Variants in ADGRE2 observed in about 807,000 individuals in gnomAD.
The protein encoded by ADGRE2 is CD97 antigen.
Under a neutral mutation model 100.8 loss-of-function variants are expected in ADGRE2, and 83 were observed. The observed-to-expected ratio is 0.82, with a 90% confidence interval of 0.69 to 0.99. The LOEUF is 0.99. Ranked by LOEUF, ADGRE2 falls within the 50% of genes least tolerant of loss-of-function variation. The pLI, the probability that ADGRE2 is intolerant of heterozygous loss-of-function variation, is 0.00. For missense variants in ADGRE2, 814 were observed against 1,035.7 expected (o/e 0.79, Z 2.94); for synonymous variants, 355 against 413.0 (o/e 0.86, Z 1.70).
intron 11 of ADGRE2, 45 bp from the exon 12 acceptor site, chr19:14,756,390 G>A (rs535764413): frequency 1.7e-5 from 22 of 1,300,150 alleles, no homozygotes; most frequent in South Asian, 4.7e-5. Context: ...GTTAGGAATC[G>A]TGCCTGCAGT....
intron 17 of ADGRE2, 67 bp from the exon 18 acceptor site, chr19:14,746,390 T>TA: frequency 1.2e-6 from 1 of 845,842 alleles, no homozygotes; most frequent in Non-Finnish European, 1.9e-6. Flanking sequence ...TTTTTTTTTT[T>TA]CAGACAGGGT....
the ADGRE2 span, among the ~76,000 whole-genome samples, chr19:14,724,715 G>A: frequency 1.3e-5 from 2 of 149,020 alleles, no homozygotes; most frequent in East Asian, 2.0e-4. Flanking sequence ...GCAGTGAGCC[G>A]ACATCATGCC....
chr19:14,736,865 T>TTAATATCTATATATTTAGAAATATATAGA (rs1568573091), intron 20 of ADGRE2, among the ~76,000 whole-genome samples: 1 of 123,806 alleles, frequency 8.1e-6, no homozygotes, highest in Non-Finnish European at 1.8e-5. Flanking sequence ...ATATAGATAT[T>TTAATATCTATATATTTAGAAATATATAGA]TAATATCTAT....
Position 14,759,294 on chromosome 19 carries a change from G to C in ADGRE2, c.1085-2949C>G, listed in dbSNP as rs1404658405. On this transcript the variant is annotated intron_variant, in intron 11 of 20. Transcript: ENST00000315576. ...GCTTGCTTTTCTATGTCTGCAGCTC[G>C]AATTTTCAGGCTGCTCGTTATTAGA... 2.0e-5 allele frequency among the ~76,000 whole-genome samples: 3 copies of C among 152,124 alleles called. 1 individual carries two copies. Among genetic ancestry groups the C allele is most frequent in the African/African-American group, 4.8e-5 (2 of 41,494 alleles).
intron 11 of ADGRE2, among the ~76,000 whole-genome samples, chr19:14,758,050 A>C (rs1330869206): frequency 6.6e-6 from 1 of 152,220 alleles, no homozygotes; most frequent in African/African-American, 2.4e-5. Context: ...ACCTCAGGTG[A>C]TCCGCCCACA....
In ADGRE2 at chr19:14,749,466, A is replaced by ATTAGTTATGTAATATAATTAT. The variant is rs2043199761; in HGVS notation, c.2024+1949_2024+1969dup. 3.0e-5 allele frequency among the ~76,000 whole-genome samples: 3 copies of ATTAGTTATGTAATATAATTAT among 99,798 alleles called. No homozygotes were observed. The South Asian group carries it at 1.2e-3, about 39-fold the overall frequency. The allele number at this position is 99,798 out of a possible 152,430, so 65.5% of individuals were successfully genotyped here. A position where few individuals can be genotyped will look rare whatever the true frequency, so the allele number is the denominator to read the frequency against. On this transcript the variant is annotated intron_variant, in intron 16 of 20. Coordinates refer to ENST00000315576, the MANE Select transcript of ADGRE2 (RefSeq NM_013447.4). ...TAATTATTTATAGTTATGTAATATA[A>ATTAGTTATGTAATATAATTAT]TTAGTTATGTAATATAATTATTTAG...
At chr19:14,767,175 G>A (rs1020486408) in intron 5 of ADGRE2, 66 bp from the exon 6 acceptor site, 32 of 1,583,948 alleles carry the variant, frequency 2.0e-5, no homozygotes, top group South Asian at 1.1e-4. Flanking sequence ...CTGAGGGTCC[G>A]CCATGTTTCC....
intron 20 of ADGRE2, among the ~76,000 whole-genome samples, chr19:14,743,180 C>G (rs2042980126): frequency 6.6e-6 from 1 of 151,968 alleles, no homozygotes; most frequent in East Asian, 1.9e-4. Context: ...CTCAGGTGAT[C>G]CTCTTGCCTA....
chr19:14,752,206 T>C (rs983408894), intron 15 of ADGRE2, 123 bp downstream of exon 15: 67 of 1,240,526 alleles, frequency 5.4e-5, no homozygotes, highest in Non-Finnish European at 6.9e-5. Context: ...GTGCTGGGAT[T>C]ACAGGCATGA....
rs374432034 is a variant in ADGRE2 at position 14,746,241 on chromosome 19, C to T, written c.2174G>A (p.Arg725Gln). ...CCCTTCTCCATCTTACCTTGTGTTC[C>T]GGAGGGTGGACACTTCACTATTGAG... ...SSLNSEVSTLRNTRMLAFKAT... is the reference protein window; with the variant it reads ...SSLNSEVSTLQNTRMLAFKAT... The change falls in exon 18 of 21, where the codon CGG (arginine) becomes CAG (glutamine). Residue 725 changes from arginine to glutamine, a missense_variant. By Grantham distance (43) the Arg-to-Gln change is conservative (BLOSUM62 1). Around this residue, in one of 5 missense-constraint regions of ADGRE2, gnomAD observed 569 missense variants for 692.7 expected, o/e 0.82. Coordinates refer to ENST00000315576, the MANE Select transcript of ADGRE2 (RefSeq NM_013447.4). The T allele has an allele frequency of 5.0e-5, 79 of 1,595,282 alleles. No individual in the cohort carries two copies. Among genetic ancestry groups the T allele is most frequent in the African/African-American group, 3.2e-4 (24 of 74,180 alleles).
At position 14,755,047 on chromosome 19, in the gene ADGRE2, G is replaced by A. The variant is rs140501087; in HGVS notation, c.1497C>T (p.Gly499=). 1 of 1,613,958 alleles carries A rather than the reference G, an allele frequency of 6.2e-7. No individual in the cohort carries two copies. The highest frequency in any genetic ancestry group is 1.3e-5 in the African/African-American group (1 of 74,888). Residue 499 remains glycine, a synonymous_variant, in exon 14 of 21, where the codon GGC becomes GGT. Transcript: ENST00000315576. ...QNGCGHWATT[G]CSTIGTRDTS... is the part of the protein sequence containing the mutation. ...TGTCTCTGGTGCCTATTGTGCTGCA[G>A]CCTGTGGTGGCCCAGTGACCACATC...
chr19:14,738,385 T>C (rs1247682681), intron 20 of ADGRE2, among the ~76,000 whole-genome samples: 1 of 152,170 alleles, frequency 6.6e-6, no homozygotes. Flanking sequence ...TGAATTCCTT[T>C]TTTTTCCCCT....
Position 14,757,875 on chromosome 19 carries a change from C to T in ADGRE2, c.1085-1530G>A, listed in dbSNP as rs185052247. On this transcript the variant is annotated intron_variant, in intron 11 of 20. Transcript: ENST00000315576. Reference sequence around the variant, plus strand: ...CTGGAGTGTAGTGGCACAATCTCAGCTCACTGCAACCTCCGTGTCCCAGGT... The same window carrying T: ...CTGGAGTGTAGTGGCACAATCTCAGTTCACTGCAACCTCCGTGTCCCAGGT... Among the ~76,000 whole-genome samples the T allele has an allele frequency of 3.7e-3, 564 of 152,340 alleles. 3 individuals carry two copies. Among genetic ancestry groups the T allele is most frequent in the African/African-American group, 0.013 (545 of 41,566 alleles).
At chr19:14,729,102 G>A (rs1265756407), downstream of ADGRE2, among the ~76,000 whole-genome samples, 1 of 152,174 alleles carries the variant, frequency 6.6e-6, no homozygotes, top group Non-Finnish European at 1.5e-5. Flanking sequence ...TTATTGATTA[G>A]TGCCGACGGG....
At chr19:14,775,860 GAA>G (rs3057586) in intron 2 of ADGRE2, among the ~76,000 whole-genome samples, 25 of 107,876 alleles carry the variant, frequency 2.3e-4, no homozygotes, top group African/African-American at 7.2e-4. Flanking sequence ...CTCCGCCTCA[GAA>G]AAAAAAAAAA....
chr19:14,765,374 T>G lies in ADGRE2; in HGVS notation c.852A>C (p.Lys284Asn). Residue 284 changes from lysine to asparagine, a missense_variant, in exon 10 of 21, where the codon AAA becomes AAC. Lys to Asn is a moderately conservative substitution (Grantham distance 94). Around this residue, in one of 5 missense-constraint regions of ADGRE2, gnomAD observed 569 missense variants for 692.7 expected, o/e 0.82. Coordinates refer to ENST00000315576, the MANE Select transcript of ADGRE2 (RefSeq NM_013447.4). ...HSQTLSRFFD[K>N]VQDLGRDYKP... The stretch of plus-strand genomic sequence containing the variant: ...TGTAGTCTCTGCCCAGGTCCTGGAC[T>G]TTGTCGAAGAATCGGGAAAGCGTCT... 6.2e-7 allele frequency: 1 copy of G among 1,614,140 alleles called. No individual in the cohort carries two copies. Among genetic ancestry groups the G allele is most frequent in the South Asian group, 1.1e-5 (1 of 91,084 alleles).
Position 14,751,678 on chromosome 19 carries a change from G to A in ADGRE2, c.1789-7C>T. The A allele has an allele frequency of 6.2e-7, 1 of 1,610,208 alleles. No individual in the cohort carries two copies. The highest frequency in any genetic ancestry group is 1.7e-5 in the Admixed American group (1 of 59,942). Reference sequence around the variant, plus strand: ...CGATGATGGAGCACAGCACCTGGCGGAGAAGTAAAAGACGCCCAGAGCGGC... The same window carrying A: ...CGATGATGGAGCACAGCACCTGGCGAAGAAGTAAAAGACGCCCAGAGCGGC... On this transcript the variant is annotated splice_polypyrimidine_tract_variant and splice_region_variant and intron_variant, in intron 15 of 20. Transcript: ENST00000315576.
chr19:14,751,888 C>T (rs1256834558), intron 15 of ADGRE2, among the ~76,000 whole-genome samples: 9 of 139,254 alleles, frequency 6.5e-5, no homozygotes, highest in South Asian at 2.3e-4. Flanking sequence ...TGTATATATA[C>T]GTATACACAC....
intron 15 of ADGRE2, 128 bp downstream of exon 15, chr19:14,752,201 G>C: frequency 2.5e-6 from 3 of 1,185,414 alleles, no homozygotes; most frequent in Non-Finnish European, 3.6e-6. Flanking sequence ...CCAAAGTGCT[G>C]GGATTACAGG....
Sources: gnomAD v4.1 joint callset for allele counts (sites outside exome capture counted in the v4.1 genomes callset) on GRCh38, gnomAD v4.1.1 for gene constraint, gnomAD v4.1.1 regional missense constraint, MANE v1.5 for transcripts, NCBI Gene and HGNC (gene_info 2026-07-23, HGNC 2026-07-21) for gene names.